The following LARP1B variants were observed in gnomAD, a reference collection of about 807,000 sequenced individuals.
LARP1B encodes the protein la-related protein 1B.
A neutral mutation model predicts 114.2 loss-of-function variants in LARP1B; 76 were observed. The observed-to-expected ratio is 0.67, with a 90% confidence interval of 0.55 to 0.81. The LOEUF (loss-of-function observed/expected upper bound fraction) is 0.81, where lower values mean the gene tolerates loss of function less well. LARP1B is among the 30% of genes least tolerant of loss of function. LARP1B has a pLI of 0.00. For missense variants in LARP1B, 1,014 were observed against 1,075.8 expected (o/e 0.94, Z 0.80); for synonymous variants, 345 against 348.0 (o/e 0.99, Z 0.10).
At chr4:128,196,129 T>C (rs1753973466) in intron 15 of LARP1B, among the ~76,000 whole-genome samples, 1 of 151,142 alleles carries the variant, frequency 6.6e-6, no homozygotes, top group African/African-American at 2.4e-5. Flanking sequence ...TGGGCGCCTG[T>C]AGTCCCAGCT....
intron 10 of LARP1B, among the ~76,000 whole-genome samples, chr4:128,117,332 C>T (rs557428160): frequency 2.7e-4 from 41 of 152,058 alleles, no homozygotes; most frequent in African/African-American, 9.2e-4. Flanking sequence ...GCCTCAGATT[C>T]GTGAGTAGCT....
chr4:128,188,399 G>A (rs1751062596), intron 15 of LARP1B, among the ~76,000 whole-genome samples: 1 of 152,090 alleles, frequency 6.6e-6, no homozygotes. Context: ...AGTAATGTGA[G>A]AACAGCCTAA....
chr4:128,123,911 A>G (rs1241259410), intron 11 of LARP1B: 2 of 155,456 alleles, frequency 1.3e-5, no homozygotes, highest in African/African-American at 4.8e-5. Flanking sequence ...ACGGAAAGTA[A>G]TCTTGGCTTA....
chr4:128,161,377 A>G (rs1738424039), intron 11 of LARP1B, among the ~76,000 whole-genome samples: 1 of 152,244 alleles, frequency 6.6e-6, no homozygotes, highest in African/African-American at 2.4e-5. Flanking sequence ...GGAAGCCTCC[A>G]GAACCCCAGA....
At chr4:128,134,113 ACCTCAG>A (rs1792489216) in intron 11 of LARP1B, among the ~76,000 whole-genome samples, 1 of 148,040 alleles carries the variant, frequency 6.8e-6, no homozygotes, top group South Asian at 2.1e-4. Flanking sequence ...CAATCCTCTC[ACCTCAG>A]CCTCCAGAGT....
chr4:128,093,354 T>C (rs924922616), intron 7 of LARP1B, among the ~76,000 whole-genome samples: 5 of 152,104 alleles, frequency 3.3e-5, no homozygotes, highest in African/African-American at 1.2e-4. Flanking sequence ...CCTAGCACTT[T>C]GGGAGGCCGA....
chr4:128,060,934 G>A (rs1246985585), upstream of LARP1B, among the ~76,000 whole-genome samples: 1 of 152,186 alleles, frequency 6.6e-6, no homozygotes, highest in African/African-American at 2.4e-5. Context: ...AGGGCCTAAG[G>A]GCAAATCGAG....
At chr4:128,206,383 A>T (rs756470363) in intron 17 of LARP1B, 45 bp from the exon 18 acceptor site, 4 of 1,110,506 alleles carry the variant, frequency 3.6e-6, no homozygotes, top group African/African-American at 1.6e-5. Flanking sequence ...TACTAACTAT[A>T]GAGATATTGT....
At chr4:128,131,687 C>T (rs1791618868) in intron 11 of LARP1B, among the ~76,000 whole-genome samples, 1 of 152,082 alleles carries the variant, frequency 6.6e-6, no homozygotes, top group Admixed American at 6.6e-5. Context: ...CACTGCACTC[C>T]AGCCTGAGCA....
chr4:128,121,687 ATTTTCT>A, intron 10 of LARP1B, 133 bp from the exon 11 acceptor site: 1 of 580,944 alleles, frequency 1.7e-6, no homozygotes, highest in Non-Finnish European at 2.9e-6. Flanking sequence ...TACTCACTTG[ATTTTCT>A]TTTACAGTTT....
At chr4:128,142,510 CT>C (rs34035043) in intron 11 of LARP1B, among the ~76,000 whole-genome samples, 370 of 140,880 alleles carry the variant, frequency 2.6e-3, no homozygotes, top group Admixed American at 2.4e-3. Flanking sequence ...ATATTTCTTT[CT>C]TTTTTTTTTT....
intron 1 of LARP1B, among the ~76,000 whole-genome samples, chr4:128,071,128 G>A (rs1579775603): frequency 6.6e-6 from 1 of 150,950 alleles, no homozygotes; most frequent in African/African-American, 2.4e-5. Context: ...CTCACTGCAA[G>A]CTCCACCTCC....
chr4:128,147,423 A>G (rs890315486), intron 11 of LARP1B, among the ~76,000 whole-genome samples: 3 of 152,202 alleles, frequency 2.0e-5, no homozygotes, highest in African/African-American at 4.8e-5. Flanking sequence ...TTATTAGGCA[A>G]TATTTGGATA....
intron 7 of LARP1B, among the ~76,000 whole-genome samples, chr4:128,221,001 C>G (rs1191628174): frequency 6.6e-6 from 1 of 152,146 alleles, no homozygotes; most frequent in African/African-American, 2.4e-5. Context: ...AACACAGAAC[C>G]CCTGACTTTC....
At chr4:128,082,109 G>T in intron 4 of LARP1B, 56 bp from the exon 5 acceptor site, 2 of 1,520,528 alleles carry the variant, frequency 1.3e-6, no homozygotes, top group South Asian at 1.2e-5. Flanking sequence ...CTTTCAAATT[G>T]CAAGGGTTTA....
In LARP1B at chr4:128,210,775, T is replaced by C; in HGVS notation, c.*722T>C. 1 of 984,362 alleles carries C rather than the reference T, an allele frequency of 1.0e-6. No homozygotes were observed. The highest frequency in any genetic ancestry group is 1.2e-6 in the Non-Finnish European group (1 of 828,924). 61.0% of individuals were successfully genotyped at this position (984,362 alleles called of 1,614,324 possible). A position where few individuals can be genotyped will look rare whatever the true frequency, so the allele number is the denominator to read the frequency against. The stretch of plus-strand genomic sequence containing the variant: ...GGTGTGGAGTTTTCTGAATTGGCTA[T>C]AAGCTGATTACATATTAGAGGTTTA... On this transcript the variant is annotated 3_prime_UTR_variant, in exon 20 of 20. Coordinates refer to ENST00000326639, the MANE Select transcript of LARP1B (RefSeq NM_018078.4).
Position 128,077,823 on chromosome 4 carries a change from A to G in LARP1B, c.78A>G (p.Pro26=), listed in dbSNP as rs772919285. ...QSVLSQGNKK[P]QNRKEKEEKV... ...TCCTCAGCCAAGGAAATAAAAAGCC[A>G]CAAAATAGAAAAGAAAAAGAAGAGA... The change falls in exon 4 of 20, where the codon CCA becomes CCG. Residue 26 remains proline (P), a synonymous_variant. Transcript: ENST00000326639. 1 of 1,605,836 alleles carries G rather than the reference A, an allele frequency of 6.2e-7. No homozygotes were observed. The highest frequency in any genetic ancestry group is 1.1e-5 in the South Asian group (1 of 88,754).
Position 128,179,415 on chromosome 4 carries a change from AAG to A in LARP1B, c.1910_1911del (p.Arg637LysfsTer5), listed in dbSNP as rs1561508625. On this transcript the variant is annotated frameshift_variant, in exon 15 of 20. Transcript: ENST00000326639. LOFTEE classifies it high-confidence loss of function. ...PKAIDVKSPR[K>X]RKTRHSTNPP... ...ACTTTATTTTCTTTAGAGTCCAAGA[AAG>A]AGAAAAACAAGGCATAGCACAAATC... The A allele has an allele frequency of 1.2e-6, 2 of 1,602,828 alleles. No individual in the cohort carries two copies. Among genetic ancestry groups the A allele is most frequent in the South Asian group, 2.3e-5 (2 of 88,204 alleles).
intron 11 of LARP1B, among the ~76,000 whole-genome samples, chr4:128,152,185 T>C (rs1376668311): frequency 6.6e-6 from 1 of 151,294 alleles, no homozygotes; most frequent in Non-Finnish European, 1.5e-5. Flanking sequence ...GAATCAGCTA[T>C]TATGCTTATT....
Sources: allele counts gnomAD v4.1 joint callset (sites outside exome capture counted in the v4.1 genomes callset), GRCh38; gene constraint gnomAD v4.1.1; transcripts MANE v1.5; gene names NCBI Gene and HGNC (gene_info 2026-07-23, HGNC 2026-07-21).